Variants in KIAA1549L observed in about 807,000 individuals in gnomAD.
KIAA1549L encodes UPF0606 protein KIAA1549L.
KIAA1549L carries 88 observed loss-of-function variants against 160.7 expected under a neutral mutation model. That is an observed-to-expected ratio of 0.55 (90% CI 0.46 to 0.65). The LOEUF (loss-of-function observed/expected upper bound fraction) is 0.65. Among genes scored for constraint, KIAA1549L ranks in the 30% least tolerant of loss-of-function variants. The probability of loss-of-function intolerance (pLI) is 0.00; values close to 1 mark genes in which losing one functional copy is unlikely to be tolerated. For synonymous variants in KIAA1549L, 950 were observed against 976.7 expected (o/e 0.97, Z 0.51); for missense variants, 2,258 against 2,437.5 (o/e 0.93, Z 1.55).
rs761938804 is a variant in KIAA1549L at position 33,658,795 on chromosome 11, A to G, written c.5904A>G (p.Thr1968=). 45 of 1,568,646 alleles carry G rather than the reference A, an allele frequency of 2.9e-5. No homozygotes were observed. The highest frequency in any genetic ancestry group is 3.7e-5 in the Non-Finnish European group (43 of 1,157,674). ...GCAAGACCAGAATGGCCGAGTCTAC[A>G]GGGCCCGAGCCGGCCCAGCTGCACG... ...IGSKTRMAES[T]GPEPAQLHDS... is the part of the protein sequence containing the mutation. Residue 1968 remains threonine (T), a synonymous_variant, in exon 19 of 21, where the codon ACA becomes ACG. Coordinates refer to ENST00000658780, the MANE Select transcript of KIAA1549L (RefSeq NM_012194.3).
At chr11:33,504,398 A>G (rs1853029504) in intron 1 of KIAA1549L, among the ~76,000 whole-genome samples, 1 of 152,104 alleles carries the variant, frequency 6.6e-6, no homozygotes, top group South Asian at 2.1e-4. Flanking sequence ...TTTAATTTTT[A>G]TAGCAAACCA....
chr11:33,563,926 G>A (rs892996050), intron 8 of KIAA1549L, among the ~76,000 whole-genome samples: 7 of 151,950 alleles, frequency 4.6e-5, no homozygotes, highest in Non-Finnish European at 7.4e-5. Context: ...TCATCTACCC[G>A]TGTCTTGCCG....
intron 1 of KIAA1549L, among the ~76,000 whole-genome samples, chr11:33,443,321 A>ATT (rs879449564): frequency 6.9e-6 from 1 of 144,812 alleles, no homozygotes; most frequent in African/African-American, 2.5e-5. Context: ...CTTTTTAGTG[A>ATT]TTTTTTTTTT....
chr11:33,659,418 A>G (rs369007146), intron 19 of KIAA1549L, among the ~76,000 whole-genome samples: 1 of 152,242 alleles, frequency 6.6e-6, no homozygotes, highest in African/African-American at 2.4e-5. Flanking sequence ...TACACATACT[A>G]TATAGATCTA....
intron 7 of KIAA1549L, among the ~76,000 whole-genome samples, chr11:33,561,116 TG>T (rs1854844765): frequency 6.6e-6 from 1 of 152,220 alleles, no homozygotes; most frequent in African/African-American, 2.4e-5. Context: ...TACAAGCATG[TG>T]GCTACTAAAC....
At chr11:33,435,234 T>G (rs1851329384) in intron 1 of KIAA1549L, among the ~76,000 whole-genome samples, 1 of 152,236 alleles carries the variant, frequency 6.6e-6, no homozygotes, top group Non-Finnish European at 1.5e-5. Context: ...AGAATTGCCT[T>G]GTATCTAGCT....
chr11:33,542,857 A>G lies in KIAA1549L; in HGVS notation c.1294A>G (p.Thr432Ala), dbSNP rs1486698448. Residue 432 changes from threonine (T) to alanine (A), a missense_variant, in exon 2 of 21, where the codon ACC becomes GCC. Around this residue, in one of 6 missense-constraint regions of KIAA1549L, gnomAD observed 540 missense variants for 465.7 expected, o/e 1.16. Transcript: ENST00000658780. ...QTAESGAIEM[T>A]SRKLASATAN... ...TGCAGAATCAGGGGCCATAGAAATGACCAGCAGAAAGCTAGCCTCTGCCAC... is the reference window on the plus strand; with the variant it reads ...TGCAGAATCAGGGGCCATAGAAATGGCCAGCAGAAAGCTAGCCTCTGCCAC... 6.2e-7 allele frequency: 1 copy of G among 1,613,924 alleles called. No individual in the cohort carries two copies. The highest frequency in any genetic ancestry group is 8.5e-7 in the Non-Finnish European group (1 of 1,179,872).
rs1428617568 is a variant in KIAA1549L, at chr11:33,673,484, G to A, written c.*5330G>A. On this transcript the variant is annotated 3_prime_UTR_variant, in exon 21 of 21. Coordinates refer to ENST00000658780, the MANE Select transcript of KIAA1549L (RefSeq NM_012194.3). The stretch of plus-strand genomic sequence containing the variant: ...GGCATATGAATGGACTGGAAATTGT[G>A]AAAAAGGTATAAATATCCTAGACCT... 1 of 152,120 alleles carries A rather than the reference G, an allele frequency of 6.6e-6. No individual in the cohort carries two copies. Among genetic ancestry groups the A allele is most frequent in the Non-Finnish European group, 1.5e-5 (1 of 68,022 alleles). The allele number at this position is 152,120 out of a possible 1,614,324, so 9.4% of individuals were successfully genotyped here. A position where few individuals can be genotyped will look rare whatever the true frequency, so the allele number is the denominator to read the frequency against.
At chr11:33,489,527 A>G (rs560910109) in intron 1 of KIAA1549L, among the ~76,000 whole-genome samples, 1 of 152,208 alleles carries the variant, frequency 6.6e-6, no homozygotes, top group African/African-American at 2.4e-5. Context: ...TTTATTTCTT[A>G]CTCATGTACA....
chr11:33,457,391 A>G (rs1851850326), intron 1 of KIAA1549L, among the ~76,000 whole-genome samples: 1 of 152,166 alleles, frequency 6.6e-6, no homozygotes, highest in Admixed American at 6.5e-5. Context: ...TGCAGCCTCA[A>G]CAACCCTGAG....
chr11:33,416,967 G>T (rs1366531477), intron 1 of KIAA1549L, among the ~76,000 whole-genome samples: 5 of 152,080 alleles, frequency 3.3e-5, no homozygotes, highest in Non-Finnish European at 7.4e-5. Context: ...ACATTAGAGG[G>T]GTCACAGACT....
chr11:33,529,928 G>T (rs1276002325), intron 1 of KIAA1549L, among the ~76,000 whole-genome samples: 2 of 152,112 alleles, frequency 1.3e-5, no homozygotes, highest in African/African-American at 4.8e-5. Flanking sequence ...TTACAAAATG[G>T]TGTGAAGCCC....
intron 17 of KIAA1549L, 96 bp from the exon 18 acceptor site, chr11:33,655,916 C>G (rs755687140): frequency 9.9e-6 from 8 of 808,118 alleles, no homozygotes; most frequent in Non-Finnish European, 1.5e-5. Flanking sequence ...GAGTCTGACC[C>G]TTGGAAGTTT....
At chr11:33,389,134 A>AGCC (rs1366744948) in intron 1 of KIAA1549L, among the ~76,000 whole-genome samples, 1 of 152,252 alleles carries the variant, frequency 6.6e-6, no homozygotes, top group Non-Finnish European at 1.5e-5. Context: ...TAAATGGGGA[A>AGCC]GCCTAGAATA....
chr11:33,620,488 GA>G (rs1160973172), intron 16 of KIAA1549L, among the ~76,000 whole-genome samples: 6 of 152,158 alleles, frequency 3.9e-5, no homozygotes, highest in African/African-American at 1.2e-4. Flanking sequence ...CTAATCATAT[GA>G]AAAGTGTCTA....
intron 1 of KIAA1549L, among the ~76,000 whole-genome samples, chr11:33,405,865 C>CAAAAAAAAAAAAAAAAAAAAAAAAAAA (rs1850639559): frequency 9.9e-6 from 1 of 101,418 alleles, no homozygotes. Context: ...AAAAAAAAAG[C>CAAAAAAAAAAAAAAAAAAAAAAAAAAA]AAAAGCTCTA....
At chr11:33,555,256 T>C (rs1854609000) in intron 6 of KIAA1549L, among the ~76,000 whole-genome samples, 1 of 152,366 alleles carries the variant, frequency 6.6e-6, no homozygotes, top group African/African-American at 2.4e-5. Context: ...GAAGATTTAA[T>C]GTAATTCCTA....
chr11:33,591,629 T>C (rs1349270837), intron 12 of KIAA1549L, among the ~76,000 whole-genome samples: 6 of 152,270 alleles, frequency 3.9e-5, no homozygotes, highest in Admixed American at 3.9e-4. Context: ...TTTATGTCTC[T>C]GATAACCACA....
chr11:33,417,624 C>T (rs1349900946), intron 1 of KIAA1549L, among the ~76,000 whole-genome samples: 2 of 152,166 alleles, frequency 1.3e-5, no homozygotes, highest in African/African-American at 4.8e-5. Context: ...GCTTTTCCCT[C>T]CAACATCTCA....
Sources: gnomAD v4.1 joint callset for allele counts (sites outside exome capture counted in the v4.1 genomes callset) on GRCh38, gnomAD v4.1.1 for gene constraint, gnomAD v4.1.1 regional missense constraint, MANE v1.5 for transcripts, NCBI Gene and HGNC (gene_info 2026-07-23, HGNC 2026-07-21) for gene names.